MTMR2: variants seen among roughly 807,000 people sequenced by gnomAD.
The protein encoded by MTMR2 is phosphatidylinositol-3,5-bisphosphate 3-phosphatase MTMR2.
MTMR2 carries 55 observed loss-of-function variants against 86.9 expected under a neutral mutation model. The observed-to-expected ratio is 0.63, with a 90% confidence interval of 0.51 to 0.79. MTMR2 has a LOEUF of 0.79. Ranked by LOEUF, MTMR2 falls within the 30% of genes least tolerant of loss-of-function variation. MTMR2 has a pLI of 0.00. For synonymous variants in MTMR2, 241 were observed against 266.8 expected, an observed-to-expected ratio of 0.90 and a Z score of 0.94; for missense variants, 659 against 772.3, an observed-to-expected ratio of 0.85 and a Z score of 1.74.
At chr11:95,890,292 G>C (rs542126718) in intron 1 of MTMR2, among the ~76,000 whole-genome samples, 1 of 152,176 alleles carries the variant, frequency 6.6e-6, no homozygotes, top group Non-Finnish European at 1.5e-5. Flanking sequence ...AATGTCATTT[G>C]CCTTAAAATA....
chr11:95,908,320 C>T (rs1354201049), intron 1 of MTMR2, among the ~76,000 whole-genome samples: 3 of 152,048 alleles, frequency 2.0e-5, no homozygotes. Context: ...TTACAAAACA[C>T]TACTGAAAGA....
intron 7 of MTMR2, among the ~76,000 whole-genome samples, chr11:95,856,709 CA>C (rs953582597): frequency 1.3e-5 from 2 of 151,880 alleles, no homozygotes; most frequent in Admixed American, 1.3e-4. Flanking sequence ...TATTTTTTTT[CA>C]GTAATAATTT....
At chr11:95,871,019 G>A (rs1416902480) in intron 2 of MTMR2, among the ~76,000 whole-genome samples, 9 of 151,998 alleles carry the variant, frequency 5.9e-5, no homozygotes, top group African/African-American at 2.2e-4. Flanking sequence ...AGTTTCCTGA[G>A]AATGATGGTT....
chr11:95,840,178 AC>A (rs1863483120), intron 12 of MTMR2: 1 of 152,120 alleles, frequency 6.6e-6, no homozygotes, highest in African/African-American at 2.4e-5. Flanking sequence ...TTTCTAGCAA[AC>A]ATATCAGAAC....
intron 8 of MTMR2, 109 bp from the exon 9 acceptor site, chr11:95,849,971 C>T (rs1426062150): frequency 9.9e-7 from 1 of 1,007,136 alleles, no homozygotes; most frequent in Admixed American, 2.0e-5. Flanking sequence ...AAAGCCTGGC[C>T]ATGAAAGGAC....
At chr11:95,922,891 G>T (rs957022168) in intron 1 of MTMR2, among the ~76,000 whole-genome samples, 1 of 140,638 alleles carries the variant, frequency 7.1e-6, no homozygotes, top group African/African-American at 2.5e-5. Flanking sequence ...CTGATTGAAG[G>T]AGAAAATGAA....
intron 1 of MTMR2, among the ~76,000 whole-genome samples, chr11:95,899,582 G>C (rs1865997476): frequency 1.3e-5 from 2 of 151,432 alleles, no homozygotes; most frequent in South Asian, 4.2e-4. Flanking sequence ...GGGAGAGATA[G>C]ACTCCTTTTT....
intron 2 of MTMR2, among the ~76,000 whole-genome samples, chr11:95,881,445 T>C (rs1198553484): frequency 6.9e-6 from 1 of 145,038 alleles, no homozygotes; most frequent in South Asian, 2.2e-4. Flanking sequence ...ACAGATATAT[T>C]TGAAAATATT....
At chr11:95,878,668 G>A (rs1865212201) in intron 2 of MTMR2, among the ~76,000 whole-genome samples, 2 of 151,792 alleles carry the variant, frequency 1.3e-5, no homozygotes, top group African/African-American at 4.8e-5. Context: ...ATTTTGTCCT[G>A]TCTCATCCTT....
chr11:95,902,511 T>G (rs1301061661), intron 1 of MTMR2, among the ~76,000 whole-genome samples: 2 of 152,174 alleles, frequency 1.3e-5, no homozygotes, highest in Non-Finnish European at 2.9e-5. Context: ...GCTAACATCA[T>G]TATACTTTTA....
At chr11:95,917,813 T>G (rs58340134) in intron 1 of MTMR2, among the ~76,000 whole-genome samples, 13 of 152,166 alleles carry the variant, frequency 8.5e-5, no homozygotes, top group Non-Finnish European at 1.5e-4. Flanking sequence ...GGGTTGGTCT[T>G]GCTGTGTCAG....
chr11:95,903,866 G>A (rs1412771062), intron 1 of MTMR2, among the ~76,000 whole-genome samples: 2 of 152,112 alleles, frequency 1.3e-5, no homozygotes, highest in Non-Finnish European at 2.9e-5. Flanking sequence ...TGTAATCCTA[G>A]CACATTAAAA....
rs550400373 is a variant in MTMR2 at position 95,913,065 on chromosome 11, T to C, written c.80+10810A>G. Reference sequence around the variant, plus strand: ...CCTTCACCAAGTCTATCCAATGATTTCAAAACCAGAATGAGTCACATATCT... The same window carrying C: ...CCTTCACCAAGTCTATCCAATGATTCCAAAACCAGAATGAGTCACATATCT... On this transcript the variant is annotated intron_variant, in intron 1 of 14. Transcript: ENST00000346299. 3.9e-5 allele frequency: 6 copies of C among 152,268 alleles called. No homozygotes were observed. In the South Asian group the frequency reaches 1.2e-3, roughly 32 times the overall value. 9.4% of individuals were successfully genotyped at this position (152,268 alleles called of 1,614,324 possible).
intron 1 of MTMR2, among the ~76,000 whole-genome samples, chr11:95,916,435 C>T (rs1020988119): frequency 6.6e-6 from 1 of 152,134 alleles, no homozygotes; most frequent in African/African-American, 2.4e-5. Flanking sequence ...TTCTTCCCTT[C>T]CTCCTGAAGA....
At position 95,835,582 on chromosome 11, in the gene MTMR2, A is replaced by C; in HGVS notation, c.1771-131T>G. 3 of 887,388 alleles carry C rather than the reference A, an allele frequency of 3.4e-6. No individual in the cohort carries two copies. In the Admixed American group the frequency reaches 5.9e-5, roughly 17 times the overall value. The allele number at this position is 887,388 out of a possible 1,614,324, so 55.0% of individuals were successfully genotyped here. A position where few individuals can be genotyped will look rare whatever the true frequency, so the allele number is the denominator to read the frequency against. ...ATGGCACCTTTCCAACCCATCAGTG[A>C]AATTAAATACCGGGACTGTGGACAC... On this transcript the variant is annotated intron_variant, in intron 14 of 14. Transcript: ENST00000346299.
chr11:95,853,583 T>C (rs977148392), intron 7 of MTMR2, among the ~76,000 whole-genome samples: 1 of 152,186 alleles, frequency 6.6e-6, no homozygotes, highest in Non-Finnish European at 1.5e-5. Flanking sequence ...GTCTAGTCTA[T>C]ATCAAACGTC....
At chr11:95,877,920 T>G (rs1055976274) in intron 2 of MTMR2, among the ~76,000 whole-genome samples, 3 of 152,150 alleles carry the variant, frequency 2.0e-5, no homozygotes, top group African/African-American at 7.2e-5. Flanking sequence ...TGTTTTAAGC[T>G]ACCCAGTTTG....
At chr11:95,915,301 A>C (rs1866657253) in intron 1 of MTMR2, among the ~76,000 whole-genome samples, 1 of 152,094 alleles carries the variant, frequency 6.6e-6, no homozygotes, top group South Asian at 2.1e-4. Flanking sequence ...TCCCTACCTC[A>C]GCAACTGCTC....
At position 95,904,117 on chromosome 11, in the gene MTMR2, G is replaced by C. The variant is rs146387834; in HGVS notation, c.81-15856C>G. On this transcript the variant is annotated intron_variant, in intron 1 of 14. Coordinates refer to ENST00000346299, the MANE Select transcript of MTMR2 (RefSeq NM_016156.6). ...CCACTGTACTCCAGCCTGGGTGACA[G>C]AGCAAGAGTCCATCTTAAAAAAACA... Among the ~76,000 whole-genome samples, 79 of 152,168 alleles carry C rather than the reference G, an allele frequency of 5.2e-4. 2 individuals carry two copies. In the East Asian group the frequency reaches 0.015, roughly 29 times the overall value.
Sources: allele counts gnomAD v4.1 joint callset (sites outside exome capture counted in the v4.1 genomes callset), GRCh38; gene constraint gnomAD v4.1.1; transcripts MANE v1.5; gene names NCBI Gene and HGNC (gene_info 2026-07-23, HGNC 2026-07-21).